The following MYO16 variants were observed in gnomAD, a reference collection of about 807,000 sequenced individuals.
MYO16 encodes unconventional myosin-XVI.
In MYO16, 94 loss-of-function variants were observed where a neutral mutation model predicts 205.3. That is an observed-to-expected ratio of 0.46 (90% CI 0.39 to 0.54). The LOEUF (loss-of-function observed/expected upper bound fraction) is 0.54, where lower values mean the gene tolerates loss of function less well. Among genes scored for constraint, MYO16 ranks in the 20% least tolerant of loss-of-function variants. The probability of loss-of-function intolerance (pLI) is 0.00; values close to 1 mark genes in which losing one functional copy is unlikely to be tolerated. For synonymous variants in MYO16, 988 were observed against 954.0 expected, an observed-to-expected ratio of 1.04 and a Z score of -0.66; for missense variants, 2,315 against 2,387.5, an observed-to-expected ratio of 0.97 and a Z score of 0.63.
chr13:108,666,694 G>A (rs751221017), intron 2 of MYO16, among the ~76,000 whole-genome samples: 6 of 152,100 alleles, frequency 3.9e-5, no homozygotes, highest in Non-Finnish European at 5.9e-5. Context: ...CACTTTCCCC[G>A]ACTCTCAGGA....
chr13:109,184,716 C>A (rs779987098), intron 34 of MYO16, among the ~76,000 whole-genome samples: 1 of 152,100 alleles, frequency 6.6e-6, no homozygotes, highest in Admixed American at 6.5e-5. Flanking sequence ...TCTGCCTCAG[C>A]CTCCCAAGTA....
intron 1 of MYO16, among the ~76,000 whole-genome samples, chr13:108,633,956 T>G (rs374519613): frequency 7.9e-5 from 12 of 152,228 alleles, no homozygotes; most frequent in African/African-American, 2.9e-4. Context: ...CTGAAGCCAC[T>G]TCACTCCTTG....
At chr13:108,805,784 A>G (rs984243105) in intron 6 of MYO16, among the ~76,000 whole-genome samples, 15 of 151,926 alleles carry the variant, frequency 9.9e-5, no homozygotes, top group Admixed American at 9.2e-4. Flanking sequence ...GATTCCATTA[A>G]AAAACTAATC....
intron 13 of MYO16, among the ~76,000 whole-genome samples, chr13:108,883,782 C>T (rs1261915065): frequency 5.3e-5 from 8 of 152,172 alleles, no homozygotes. Context: ...CATGCCACCA[C>T]ACTTGGCTAA....
intron 1 of MYO16, among the ~76,000 whole-genome samples, chr13:108,634,581 C>T (rs1000878366): frequency 6.6e-6 from 1 of 152,214 alleles, no homozygotes; most frequent in Non-Finnish European, 1.5e-5. Flanking sequence ...CGACCCTCAC[C>T]TCCTTGTCTC....
chr13:109,090,322 C>T (rs1426569709), intron 27 of MYO16, among the ~76,000 whole-genome samples: 1 of 152,206 alleles, frequency 6.6e-6, no homozygotes, highest in Admixed American at 6.5e-5. Flanking sequence ...AAAGCCATCG[C>T]AAGATATAGC....
At chr13:108,505,258 A>G in the MYO16 span, among the ~76,000 whole-genome samples, 1 of 152,158 alleles carries the variant, frequency 6.6e-6, no homozygotes, top group African/African-American at 2.4e-5. Flanking sequence ...TGGCTGCACC[A>G]TTTTACCTCC....
At chr13:108,758,628 G>A (rs1885498619) in intron 4 of MYO16, among the ~76,000 whole-genome samples, 1 of 152,172 alleles carries the variant, frequency 6.6e-6, no homozygotes. Flanking sequence ...GAACAGACAT[G>A]ACCGTCACAC....
the MYO16 span, among the ~76,000 whole-genome samples, chr13:108,553,005 CTTTTTTTTTTTTTTTTT>C: frequency 5.1e-3 from 331 of 64,930 alleles, 2 homozygotes; most frequent in African/African-American, 0.016. Flanking sequence ...CTTTAATACT[CTTTTTTTTTTTTTTTTT>C]TTTTTTTTTT....
the MYO16 span, among the ~76,000 whole-genome samples, chr13:108,567,219 G>A: frequency 6.6e-6 from 1 of 152,154 alleles, no homozygotes; most frequent in Non-Finnish European, 1.5e-5. Context: ...CAGGATGATG[G>A]AAGTAGAAAT....
the MYO16 span, among the ~76,000 whole-genome samples, chr13:108,499,116 A>C: frequency 6.6e-6 from 1 of 152,324 alleles, no homozygotes; most frequent in South Asian, 2.1e-4. Flanking sequence ...TTGACTCATG[A>C]GTTAATTGAG....
chr13:108,766,880 T>C (rs1885793336), intron 4 of MYO16, among the ~76,000 whole-genome samples: 1 of 152,198 alleles, frequency 6.6e-6, no homozygotes, highest in South Asian at 2.1e-4. Context: ...CTTTTCATTC[T>C]CACAGATTTG....
At chr13:109,021,815 G>A (rs1055331903) in intron 23 of MYO16, among the ~76,000 whole-genome samples, 3 of 151,974 alleles carry the variant, frequency 2.0e-5, no homozygotes, top group Non-Finnish European at 2.9e-5. Flanking sequence ...GTTAACTCAC[G>A]AAGTATTTTT....
chr13:108,790,626 G>T (rs567333381), intron 5 of MYO16, among the ~76,000 whole-genome samples: 1 of 152,076 alleles, frequency 6.6e-6, no homozygotes, highest in Non-Finnish European at 1.5e-5. Flanking sequence ...GTTTGACAAC[G>T]AAGAGAGGGA....
chr13:108,825,512 G>A (rs1765818), intron 9 of MYO16, among the ~76,000 whole-genome samples: 4,231 of 152,010 alleles, frequency 0.028, 180 homozygotes, highest in African/African-American at 0.094. Flanking sequence ...ACAAAGGCAA[G>A]AGTGTCTGCT....
chr13:108,580,630 A>G, the MYO16 span, among the ~76,000 whole-genome samples: 1 of 152,224 alleles, frequency 6.6e-6, no homozygotes, highest in Non-Finnish European at 1.5e-5. Flanking sequence ...TTAAACTATA[A>G]CAAGTAAAAC....
chr13:109,065,702 G>A (rs1887726257), intron 27 of MYO16: 1 of 359,976 alleles, frequency 2.8e-6, no homozygotes, highest in South Asian at 2.2e-5. Context: ...TGGCAGAATT[G>A]TGGTCCTATG....
chr13:108,956,378 A>G (rs1162132998), intron 16 of MYO16, among the ~76,000 whole-genome samples: 1 of 151,022 alleles, frequency 6.6e-6, no homozygotes, highest in Non-Finnish European at 1.5e-5. Flanking sequence ...TGGGCCACAC[A>G]CTCCCCTTAC....
intron 5 of MYO16, among the ~76,000 whole-genome samples, chr13:108,791,835 A>G (rs1325492112): frequency 7.2e-5 from 11 of 152,210 alleles, no homozygotes; most frequent in African/African-American, 1.9e-4. Flanking sequence ...CGCAGAGTCA[A>G]CCTGAGGAAG....
Sources: gnomAD v4.1 joint callset for allele counts (sites outside exome capture counted in the v4.1 genomes callset) on GRCh38, gnomAD v4.1.1 for gene constraint, MANE v1.5 for transcripts, NCBI Gene and HGNC (gene_info 2026-07-23, HGNC 2026-07-21) for gene names.